Variants in SLC4A11 observed in about 807,000 individuals in gnomAD.
SLC4A11 encodes the protein bicarbonate transporter related protein 1.
A neutral mutation model predicts 95.0 loss-of-function variants in SLC4A11; 74 were observed. That is an observed-to-expected ratio of 0.78 (90% CI 0.65 to 0.95). SLC4A11 has a LOEUF of 0.95. Ranked by LOEUF, SLC4A11 falls within the 40% of genes least tolerant of loss-of-function variation. The pLI, the probability that SLC4A11 is intolerant of heterozygous loss-of-function variation, is 0.00. For missense variants in SLC4A11, 1,081 were observed against 1,192.4 expected, an observed-to-expected ratio of 0.91 and a Z score of 1.38; for synonymous variants, 548 against 519.0, an observed-to-expected ratio of 1.06 and a Z score of -0.76.
Position 3,227,513 on chromosome 20 carries a change from T to C in SLC4A11, c.*274A>G. On this transcript the variant is annotated 3_prime_UTR_variant, in exon 20 of 20. Coordinates refer to ENST00000642402, the MANE Select transcript of SLC4A11 (RefSeq NM_001174089.2). ...GTTTCTCTTTCAGGCATCGACTCTT[T>C]TATCAAAAGAAAATCCATCCTGCTC... The C allele has an allele frequency of 1.9e-6, 1 of 515,750 alleles. No individual in the cohort carries two copies. The highest frequency in any genetic ancestry group is 3.2e-5 in the Admixed American group (1 of 31,372). The allele number at this position is 515,750 out of a possible 1,614,324, so 31.9% of individuals were successfully genotyped here.
rs1216003603 is a variant in SLC4A11 at position 3,233,588 on chromosome 20, C to T, written c.655G>A (p.Val219Ile). The T allele has an allele frequency of 1.2e-6, 2 of 1,613,748 alleles. No homozygotes were observed. The highest frequency in any genetic ancestry group is 2.2e-5 in the South Asian group (2 of 91,086). ...QKRHVCISRL[V>I]RPQNWGENSC... ...TTCTCCCCCCAGTTCTGTGGGCGAA[C>T]CAGGCGGCTGATGCACACGTGCCGC... Residue 219 changes from valine (V) to isoleucine (I), a missense_variant, in exon 7 of 20, where the codon GTT becomes ATT. Coordinates refer to ENST00000642402, the MANE Select transcript of SLC4A11 (RefSeq NM_001174089.2).
chr20:3,237,066 G>A (rs979970761), intron 2 of SLC4A11, among the ~76,000 whole-genome samples: 1 of 152,184 alleles, frequency 6.6e-6, no homozygotes, highest in Non-Finnish European at 1.5e-5. Flanking sequence ...GCTAGGCACA[G>A]GACACAGCCT....
chr20:3,228,591 C>T lies in SLC4A11; in HGVS notation c.2309G>A (p.Gly770Asp). The T allele has an allele frequency of 2.5e-6, 4 of 1,613,306 alleles. No homozygotes were observed. The highest frequency in any genetic ancestry group is 2.5e-6 in the Non-Finnish European group (3 of 1,179,958). ...GGTGAGCGCGATGTAGAGGAAGAGG[C>T]CATAGAGCACGGGCTTGGGGATCCA... The part of the protein sequence containing the change: ...LQWIPKPVLY[G>D]LFLYIALTSL... Residue 770 changes from glycine to aspartate, a missense_variant, in exon 18 of 20, where the codon GGC (glycine) becomes GAC (aspartate). Physicochemically the swap from Gly to Asp is moderately conservative, Grantham distance 94 (BLOSUM62 -1). Transcript: ENST00000642402.
chr20:3,238,007 C>G, intron 1 of SLC4A11: 1 of 1,546,534 alleles, frequency 6.5e-7, no homozygotes. Flanking sequence ...GGCGGGGGAT[C>G]TCTCTGCACA....
chr20:3,227,917 T>TACCCCCC, intron 19 of SLC4A11, 61 bp from the exon 20 acceptor site: 1 of 1,488,434 alleles, frequency 6.7e-7, no homozygotes, highest in Non-Finnish European at 9.1e-7. Flanking sequence ...TGGACACCCA[T>TACCCCCC]CCCAGCCCAC....
At chr20:3,237,751 A>G in intron 1 of SLC4A11, 163 bp from the exon 2 acceptor site, 1 of 1,613,308 alleles carries the variant, frequency 6.2e-7, no homozygotes, top group Non-Finnish European at 8.5e-7. Context: ...AGTGCTCGGG[A>G]GGGGGCCCCA....
At chr20:3,230,888 C>T (rs1488686354) in intron 10 of SLC4A11, 43 bp from the exon 11 acceptor site, 2 of 1,613,034 alleles carry the variant, frequency 1.2e-6, no homozygotes, top group Admixed American at 1.7e-5. Flanking sequence ...AGCCCAGGGC[C>T]CAGCCCAGCA....
chr20:3,230,082 A>G, intron 13 of SLC4A11, 105 bp downstream of exon 13: 1 of 1,358,524 alleles, frequency 7.4e-7, no homozygotes, highest in Non-Finnish European at 1.1e-6. Context: ...TCACGGGCAC[A>G]CACTCAGCTT....
At position 3,229,250 on chromosome 20, in the gene SLC4A11, G is replaced by A. The variant is rs756471125; in HGVS notation, c.1863C>T (p.Arg621=). 2.7e-5 allele frequency: 44 copies of A among 1,612,938 alleles called. No individual in the cohort carries two copies. The highest frequency in any genetic ancestry group is 3.2e-5 in the Non-Finnish European group (38 of 1,180,008). Residue 621 remains arginine, a synonymous_variant, in exon 16 of 20, where the codon CGC becomes CGT. Coordinates refer to ENST00000642402, the MANE Select transcript of SLC4A11 (RefSeq NM_001174089.2). ...GFREIEMSKF[R]YNPSESPFAM... The stretch of plus-strand genomic sequence containing the variant: ...CAAAGGGGCTCTCGCTGGGGTTGTA[G>A]CGGAACTTGCTCACTGCAGTAGGGG...
In SLC4A11 at chr20:3,229,734, T is replaced by C. The variant is rs748415034; in HGVS notation, c.1532A>G (p.His511Arg). ...YYYGHYLDDY[H>R]TKRTSSLVSL... ...GACAAGGGATGAAGTCCTTTTTGTG[T>C]GATAGTCGTCCAAGTAATGCCCATA... Residue 511 changes from histidine (H) to arginine (R), a missense_variant, in exon 14 of 20, where the codon CAC (histidine) becomes CGC (arginine). By Grantham distance (29) the His-to-Arg change is conservative. This residue lies in a region of SLC4A11 where 767 missense variants were observed against 858.0 expected (regional missense o/e 0.89). Transcript: ENST00000642402. 2.5e-6 allele frequency: 4 copies of C among 1,614,004 alleles called. No homozygotes were observed. In the South Asian group the frequency reaches 4.4e-5, roughly 18 times the overall value.
At chr20:3,233,412 A>T in intron 7 of SLC4A11, 102 bp downstream of exon 7, 1 of 1,546,776 alleles carries the variant, frequency 6.5e-7, no homozygotes, top group Admixed American at 1.7e-5. Context: ...GAGGGTGAGG[A>T]CCAGGCCTTC....
chr20:3,228,641 C>G lies in SLC4A11; in HGVS notation c.2259G>C (p.Leu753=). 1.2e-6 allele frequency: 2 copies of G among 1,613,094 alleles called. No homozygotes were observed. The highest frequency in any genetic ancestry group is 1.7e-6 in the Non-Finnish European group (2 of 1,179,916). Residue 753 remains leucine (L), a synonymous_variant, in exon 18 of 20, where the codon CTG becomes CTC. Transcript: ENST00000642402. ...LGASVLVGLS[L]LLLPVPLQWI... ...ACTGAAGCGGGACCGGCAGCAGCAA[C>G]AGGGACAGGCCCACCAGGACGCTGG...
At chr20:3,238,535 G>GGGTC (rs3840955) in intron 1 of SLC4A11, 297,445 of 992,378 alleles carry the variant, frequency 0.3, 46,185 homozygotes, top group East Asian at 0.55. Context: ...TGCAGGTAAA[G>GGGTC]GGTCGTACAA....
Position 3,231,686 on chromosome 20 carries a change from C to CAAAAA in SLC4A11, c.730-139_730-138insTTTTT. ...TTTGTGTTTTTTTGAGACAGGGTCTCACTGTCACCCAGGCTGAGTGCAGTG... is the reference window on the plus strand; with the variant it reads ...TTTGTGTTTTTTTGAGACAGGGTCTCAAAAAACTGTCACCCAGGCTGAGTGCAGTG... On this transcript the variant is annotated intron_variant, in intron 7 of 19. Transcript: ENST00000642402. This position sits in a 1 kb window ranked among gnomAD's most constrained non-coding sequence, Gnocchi z 5.2. 1 of 765,358 alleles carries CAAAAA rather than the reference C, an allele frequency of 1.3e-6. No homozygotes were observed. The highest frequency in any genetic ancestry group is 2.2e-6 in the Non-Finnish European group (1 of 458,214). The allele number at this position is 765,358 out of a possible 1,614,324, so 47.4% of individuals were successfully genotyped here. A position where few individuals can be genotyped will look rare whatever the true frequency, so the allele number is the denominator to read the frequency against.
In SLC4A11 at chr20:3,228,675, G is replaced by A. The variant is rs148158686; in HGVS notation, c.2225C>T (p.Ser742Leu). ...GCCCACCAGGACGCTGGCGCCCAGC[G>A]AGGTCAGCCGCGTCTCCTTCACGTT... ...IVNVKETRLT[S>L]LGASVLVGLS... Residue 742 changes from serine (S) to leucine (L), a missense_variant, in exon 18 of 20, where the codon TCG (serine) becomes TTG (leucine). Physicochemically the swap from Ser to Leu is moderately radical, Grantham distance 145. This residue lies in a region of SLC4A11 where 767 missense variants were observed against 858.0 expected (regional missense o/e 0.89). Transcript: ENST00000642402. 9.3e-6 allele frequency: 15 copies of A among 1,612,812 alleles called. No individual in the cohort carries two copies. The highest frequency in any genetic ancestry group is 1.6e-4 in the Middle Eastern group (1 of 6,084).
chr20:3,232,206 G>A (rs1181023179), intron 7 of SLC4A11, among the ~76,000 whole-genome samples: 4 of 152,232 alleles, frequency 2.6e-5, no homozygotes, highest in African/African-American at 7.2e-5. Context: ...ACTGTCTGCT[G>A]GTTTGACTTT....
chr20:3,232,773 TGCTCCTGAGGAGGA>T (rs1287429941), intron 7 of SLC4A11, among the ~76,000 whole-genome samples: 3 of 152,198 alleles, frequency 2.0e-5, no homozygotes, highest in Non-Finnish European at 4.4e-5. Context: ...AACTAGTCCA[TGCTCCTGAGGAGGA>T]GCCCAGTGTC....
chr20:3,235,547 CTCT>C (rs2067955266), intron 2 of SLC4A11, among the ~76,000 whole-genome samples: 1 of 152,022 alleles, frequency 6.6e-6, no homozygotes, highest in Middle Eastern at 3.2e-3. Context: ...CATCGTGCTC[CTCT>C]TCATGTTCTG....
chr20:3,237,689 C>T (rs966126860), intron 1 of SLC4A11, 101 bp from the exon 2 acceptor site: 4 of 1,614,074 alleles, frequency 2.5e-6, no homozygotes, highest in East Asian at 4.5e-5. Flanking sequence ...TTCCTTCGCT[C>T]TTCCGAGGGA....
Sources: allele counts gnomAD v4.1 joint callset (sites outside exome capture counted in the v4.1 genomes callset), GRCh38; gene constraint gnomAD v4.1.1; regional missense constraint gnomAD v4.1.1; non-coding constraint Gnocchi (gnomAD v3.1); transcripts MANE v1.5; gene names NCBI Gene and HGNC (gene_info 2026-07-23, HGNC 2026-07-21).